Variants in SNORD118 observed in about 807,000 individuals in gnomAD.
The protein encoded by SNORD118 is small nucleolar RNA, C/D box 118.
exon 1 of SNORD118, chr17:8,173,562 CA>C (rs1166329743): frequency 1.3e-6 from 1 of 765,190 alleles, no homozygotes; most frequent in Non-Finnish European, 2.4e-6. Context: ...GGAGGAGGAA[CA>C]GGTAAGGATT....
Position 8,173,455 on chromosome 17 carries a change from T to G in SNORD118, n.133A>C, listed in dbSNP as rs758058586. The stretch of plus-strand genomic sequence containing the variant: ...AAATGTAAGTGATCGTCAGAAAGAA[T>G]CAGACAGGAGCAATCAGGGTGTTGC... On this transcript the variant is annotated non_coding_transcript_exon_variant, in exon 1 of 1. Coordinates refer to ENST00000363593, the Ensembl canonical transcript of SNORD118. 7.9e-6 allele frequency: 6 copies of G among 763,220 alleles called. No homozygotes were observed. Among genetic ancestry groups the G allele is most frequent in the Admixed American group, 6.8e-5 (4 of 58,846 alleles). 47.3% of individuals were successfully genotyped at this position (763,220 alleles called of 1,614,324 possible).
exon 1 of SNORD118, chr17:8,173,504 T>G (rs375321751): frequency 1.3e-6 from 1 of 765,190 alleles, no homozygotes. Flanking sequence ...GCAGAGACGT[T>G]AATCACGTTT....
exon 1 of SNORD118, chr17:8,173,465 G>T (rs181915503): frequency 6.5e-6 from 5 of 764,200 alleles, no homozygotes; most frequent in Non-Finnish European, 1.2e-5. Flanking sequence ...TCAGACAGGA[G>T]CAATCAGGGT....
chr17:8,173,572 T>C (rs754512822), exon 1 of SNORD118: 10 of 764,898 alleles, frequency 1.3e-5, no homozygotes, highest in Non-Finnish European at 2.2e-5. Flanking sequence ...CAGGTAAGGA[T>C]TATCCCACCT....
Position 8,173,516 on chromosome 17 carries a change from A to C in SNORD118, n.72T>G, listed in dbSNP as rs754874209. ...TACGCAGAGACGTTAATCACGTTTC[A>C]TGCATCTCCAATCATCATGTTCTAA... On this transcript the variant is annotated non_coding_transcript_exon_variant, in exon 1 of 1. Coordinates refer to ENST00000363593, the Ensembl canonical transcript of SNORD118. The C allele has an allele frequency of 3.9e-6, 3 of 765,426 alleles. No individual in the cohort carries two copies. The highest frequency in any genetic ancestry group is 2.4e-5 in the East Asian group (1 of 41,252). 47.4% of individuals were successfully genotyped at this position (765,426 alleles called of 1,614,324 possible).
chr17:8,173,556 G>A lies in SNORD118; in HGVS notation n.32C>T, dbSNP rs116658491. The A allele has an allele frequency of 0.01, 7,788 of 765,346 alleles. 81 individuals carry two copies. Among genetic ancestry groups the A allele is most frequent in the African/African-American group, 0.035 (2,097 of 59,226 alleles). The allele number at this position is 765,346 out of a possible 1,614,324, so 47.4% of individuals were successfully genotyped here. A position where few individuals can be genotyped will look rare whatever the true frequency, so the allele number is the denominator to read the frequency against. On this transcript the variant is annotated non_coding_transcript_exon_variant, in exon 1 of 1. Transcript: ENST00000363593. The stretch of plus-strand genomic sequence containing the variant: ...TCATGTTCTAATCTGCCCTCCGGAG[G>A]AGGAACAGGTAAGGATTATCCCACC...
In SNORD118 at chr17:8,173,475, T is replaced by A. The variant is rs569097222; in HGVS notation, n.113A>T. 11 of 764,572 alleles carry A rather than the reference T, an allele frequency of 1.4e-5. No homozygotes were observed. Among genetic ancestry groups the A allele is most frequent in the East Asian group, 4.8e-5 (2 of 41,258 alleles). 47.4% of individuals were successfully genotyped at this position (764,572 alleles called of 1,614,324 possible). Reference sequence around the variant, plus strand: ...AAGAATCAGACAGGAGCAATCAGGGTGTTGCAAGTCCTGATTACGCAGAGA... The same window carrying A: ...AAGAATCAGACAGGAGCAATCAGGGAGTTGCAAGTCCTGATTACGCAGAGA... On this transcript the variant is annotated non_coding_transcript_exon_variant, in exon 1 of 1. Coordinates refer to ENST00000363593, the Ensembl canonical transcript of SNORD118.
At position 8,173,574 on chromosome 17, in the gene SNORD118, A is replaced by T. The variant is rs763930415; in HGVS notation, n.14T>A. On this transcript the variant is annotated non_coding_transcript_exon_variant, in exon 1 of 1. Coordinates refer to ENST00000363593, the Ensembl canonical transcript of SNORD118. ...TCCGGAGGAGGAACAGGTAAGGATT[A>T]TCCCACCTGACGATACAGACAAACA... 19 of 764,780 alleles carry T rather than the reference A, an allele frequency of 2.5e-5. No individual in the cohort carries two copies. The highest frequency in any genetic ancestry group is 3.6e-5 in the Non-Finnish European group (15 of 417,714). 47.4% of individuals were successfully genotyped at this position (764,780 alleles called of 1,614,324 possible).
chr17:8,173,575 T>A lies in SNORD118; in HGVS notation n.13A>T, dbSNP rs777501044. 60 of 764,710 alleles carry A rather than the reference T, an allele frequency of 7.8e-5. 1 individual carries two copies. Among genetic ancestry groups the A allele is most frequent in the South Asian group, 3.8e-4 (28 of 74,554 alleles). The allele number at this position is 764,710 out of a possible 1,614,324, so 47.4% of individuals were successfully genotyped here. A position where few individuals can be genotyped will look rare whatever the true frequency, so the allele number is the denominator to read the frequency against. On this transcript the variant is annotated non_coding_transcript_exon_variant, in exon 1 of 1. Transcript: ENST00000363593. ...CCGGAGGAGGAACAGGTAAGGATTATCCCACCTGACGATACAGACAAACAG... is the reference window on the plus strand; with the variant it reads ...CCGGAGGAGGAACAGGTAAGGATTAACCCACCTGACGATACAGACAAACAG...
At chr17:8,173,465 G>C (rs181915503) in exon 1 of SNORD118, 10 of 764,198 alleles carry the variant, frequency 1.3e-5, no homozygotes, top group South Asian at 2.7e-5. Flanking sequence ...TCAGACAGGA[G>C]CAATCAGGGT....
exon 1 of SNORD118, chr17:8,173,456 C>G (rs529248650): frequency 2.6e-6 from 2 of 763,244 alleles, no homozygotes; most frequent in Non-Finnish European, 4.8e-6. Flanking sequence ...CAGAAAGAAT[C>G]AGACAGGAGC....
chr17:8,173,566 T>C (rs369486184), exon 1 of SNORD118: 100 of 765,138 alleles, frequency 1.3e-4, no homozygotes, highest in Non-Finnish European at 2.2e-4. Flanking sequence ...GAGGAACAGG[T>C]AAGGATTATC....
chr17:8,173,573 T>G (rs369737076), exon 1 of SNORD118: 2 of 764,828 alleles, frequency 2.6e-6, no homozygotes, highest in South Asian at 1.3e-5. Flanking sequence ...AGGTAAGGAT[T>G]ATCCCACCTG....
rs201397948 is a variant in SNORD118 at position 8,173,466 on chromosome 17, C to T, written n.122G>A. On this transcript the variant is annotated non_coding_transcript_exon_variant, in exon 1 of 1. Transcript: ENST00000363593. The stretch of plus-strand genomic sequence containing the variant: ...ATCGTCAGAAAGAATCAGACAGGAG[C>T]AATCAGGGTGTTGCAAGTCCTGATT... The T allele has an allele frequency of 1.1e-4, 81 of 764,296 alleles. No individual in the cohort carries two copies. The highest frequency in any genetic ancestry group is 3.7e-4 in the African/African-American group (22 of 59,234). The allele number at this position is 764,296 out of a possible 1,614,324, so 47.3% of individuals were successfully genotyped here.
In SNORD118 at chr17:8,173,497, G is replaced by A. The variant is rs74861860; in HGVS notation, n.91C>T. 1.0e-3 allele frequency: 777 copies of A among 765,260 alleles called. No homozygotes were observed. The highest frequency in any genetic ancestry group is 1.9e-3 in the South Asian group (143 of 74,592). 47.4% of individuals were successfully genotyped at this position (765,260 alleles called of 1,614,324 possible). The stretch of plus-strand genomic sequence containing the variant: ...GGGTGTTGCAAGTCCTGATTACGCA[G>A]AGACGTTAATCACGTTTCATGCATC... On this transcript the variant is annotated non_coding_transcript_exon_variant, in exon 1 of 1. Transcript: ENST00000363593.
exon 1 of SNORD118, chr17:8,173,579 A>T (rs201690858): frequency 7.9e-6 from 6 of 764,046 alleles, no homozygotes; most frequent in Non-Finnish European, 1.4e-5. Flanking sequence ...GGATTATCCC[A>T]CCTGACGATA....
rs755859673 is a variant in SNORD118 at position 8,173,549 on chromosome 17, T to C, written n.39A>G. 6.8e-5 allele frequency: 52 copies of C among 765,220 alleles called. No homozygotes were observed. In the Middle Eastern group the frequency reaches 9.0e-4, roughly 13 times the overall value. The allele number at this position is 765,220 out of a possible 1,614,324, so 47.4% of individuals were successfully genotyped here. A position where few individuals can be genotyped will look rare whatever the true frequency, so the allele number is the denominator to read the frequency against. On this transcript the variant is annotated non_coding_transcript_exon_variant, in exon 1 of 1. Transcript: ENST00000363593. ...CCAATCATCATGTTCTAATCTGCCC[T>C]CCGGAGGAGGAACAGGTAAGGATTA... is the stretch of plus-strand genomic sequence containing the variant.
At chr17:8,173,484 T>TC (rs1567550248) in exon 1 of SNORD118, 1 of 764,216 alleles carries the variant, frequency 1.3e-6, no homozygotes, top group Non-Finnish European at 2.4e-6. Flanking sequence ...GTGTTGCAAG[T>TC]CCTGATTACG....
At position 8,173,545 on chromosome 17, in the gene SNORD118, G is replaced by C. The variant is rs145699731; in HGVS notation, n.43C>G. Reference sequence around the variant, plus strand: ...ATCTCCAATCATCATGTTCTAATCTGCCCTCCGGAGGAGGAACAGGTAAGG... The same window carrying C: ...ATCTCCAATCATCATGTTCTAATCTCCCCTCCGGAGGAGGAACAGGTAAGG... On this transcript the variant is annotated non_coding_transcript_exon_variant, in exon 1 of 1. Coordinates refer to ENST00000363593, the Ensembl canonical transcript of SNORD118. The C allele has an allele frequency of 2.1e-4, 162 of 765,350 alleles. 1 individual carries two copies. Among genetic ancestry groups the C allele is most frequent in the Middle Eastern group, 1.1e-3 (5 of 4,428 alleles). 47.4% of individuals were successfully genotyped at this position (765,350 alleles called of 1,614,324 possible). A position where few individuals can be genotyped will look rare whatever the true frequency, so the allele number is the denominator to read the frequency against.
Sources: gnomAD v4.1 joint callset for allele counts on GRCh38, gnomAD v4.1.1 for gene constraint, MANE v1.5 for transcripts, NCBI Gene and HGNC (gene_info 2026-07-23, HGNC 2026-07-21) for gene names.